LRP2: variants seen among roughly 807,000 people sequenced by gnomAD.
The protein encoded by LRP2 is LDL receptor related protein 2.
In LRP2, 172 loss-of-function variants were observed where a neutral mutation model predicts 531.0. The observed-to-expected ratio is 0.32, with a 90% confidence interval of 0.29 to 0.37. The LOEUF (loss-of-function observed/expected upper bound fraction) is 0.37. LRP2 is among the 10% of genes least tolerant of loss of function. LRP2 has a pLI of 1.00. For missense variants in LRP2, 5,167 were observed against 5,868.3 expected (o/e 0.88, Z 3.90); for synonymous variants, 1,992 against 2,027.6 (o/e 0.98, Z 0.47).
At chr2:169,287,794 T>C (rs1392197251) in intron 9 of LRP2, among the ~76,000 whole-genome samples, 1 of 150,588 alleles carries the variant, frequency 6.6e-6, no homozygotes, top group Admixed American at 6.6e-5. Flanking sequence ...TTTATCTATA[T>C]TCAATAATTT....
intron 62 of LRP2, among the ~76,000 whole-genome samples, chr2:169,164,463 CTTGCATT>C (rs1260376245): frequency 6.6e-6 from 1 of 152,188 alleles, no homozygotes; most frequent in Non-Finnish European, 1.5e-5. Flanking sequence ...AATGCATATT[CTTGCATT>C]TTCCAGTCTC....
In LRP2 at chr2:169,145,728, T is replaced by C. The variant is rs1346639426; in HGVS notation, c.12988+19A>G. 1.9e-6 allele frequency: 3 copies of C among 1,613,010 alleles called. No individual in the cohort carries two copies. The highest frequency in any genetic ancestry group is 1.7e-5 in the Admixed American group (1 of 60,018). On this transcript the variant is annotated intron_variant, in intron 70 of 78. Transcript: ENST00000649046. ...TTTCCAAGTAATGAGGAGCATCTTATACCAAAGTTGGTGATTACCTGACTT... is the reference window on the plus strand; with the variant it reads ...TTTCCAAGTAATGAGGAGCATCTTACACCAAAGTTGGTGATTACCTGACTT...
At chr2:169,300,007 G>A (rs775268362) in intron 4 of LRP2, among the ~76,000 whole-genome samples, 3 of 152,072 alleles carry the variant, frequency 2.0e-5, no homozygotes, top group African/African-American at 7.2e-5. Context: ...ATTCTCTTGT[G>A]CTCAACATGT....
At chr2:169,293,128 G>A (rs1158635620) in intron 6 of LRP2, among the ~76,000 whole-genome samples, 1 of 152,168 alleles carries the variant, frequency 6.6e-6, no homozygotes, top group African/African-American at 2.4e-5. Flanking sequence ...ACACCCTAAG[G>A]CATGGGTACC....
chr2:169,265,918 GA>G (rs963039969), intron 16 of LRP2, among the ~76,000 whole-genome samples: 7 of 149,068 alleles, frequency 4.7e-5, no homozygotes, highest in East Asian at 3.9e-4. Context: ...TCTCCAGAAA[GA>G]AAAAAAAAAT....
intron 46 of LRP2, among the ~76,000 whole-genome samples, chr2:169,194,780 G>C (rs1687949381): frequency 6.8e-6 from 1 of 146,454 alleles, no homozygotes; most frequent in Admixed American, 6.9e-5. Flanking sequence ...GAGTGCAGTG[G>C]TGCGATCTCG....
At chr2:169,164,419 G>C (rs1414766097) in intron 62 of LRP2, among the ~76,000 whole-genome samples, 4 of 152,210 alleles carry the variant, frequency 2.6e-5, no homozygotes, top group African/African-American at 9.7e-5. Context: ...AATCATAAAG[G>C]AGTATTTAGT....
At chr2:169,172,163 T>A (rs371991897) in intron 57 of LRP2, 29 bp from the exon 58 acceptor site, 2 of 1,613,758 alleles carry the variant, frequency 1.2e-6, no homozygotes, top group African/African-American at 2.7e-5. Flanking sequence ...AAAGACTTCA[T>A]AAACCATTGG....
chr2:169,220,455 C>G lies in LRP2; in HGVS notation c.5647G>C (p.Gly1883Arg). ...CACGTGCCATTTATGAATACTCACC[C>G]ACGAGCAGGATCAACAGTTATGCCA... ...PIGITVDPAR[G>R]KLYWSDQGTD... The change falls in exon 34 of 79, where the codon GGG becomes CGG. Residue 1883 changes from glycine (G) to arginine (R), a missense_variant and splice_region_variant. Gly to Arg is a moderately radical substitution (Grantham distance 125). This residue lies in a region of LRP2 where 2,811 missense variants were observed against 3,058.0 expected (regional missense o/e 0.92). Coordinates refer to ENST00000649046, the MANE Select transcript of LRP2 (RefSeq NM_004525.3). 7.4e-6 allele frequency: 12 copies of G among 1,610,740 alleles called. No homozygotes were observed. The highest frequency in any genetic ancestry group is 1.0e-5 in the Non-Finnish European group (12 of 1,177,080).
intron 35 of LRP2, among the ~76,000 whole-genome samples, 177 bp downstream of exon 35, chr2:169,216,076 T>C (rs1027826848): frequency 1.3e-5 from 2 of 152,062 alleles, no homozygotes; most frequent in Admixed American, 1.3e-4. Flanking sequence ...GAACTGGACT[T>C]CAGCTAGGGG....
Position 169,152,933 on chromosome 2 carries a change from G to A in LRP2, c.12327C>T (p.Gly4109=). The A allele has an allele frequency of 6.2e-7, 1 of 1,613,972 alleles. No homozygotes were observed. The highest frequency in any genetic ancestry group is 8.5e-7 in the Non-Finnish European group (1 of 1,179,928). The change falls in exon 67 of 79, where the codon GGC becomes GGT. Residue 4109 remains glycine, a synonymous_variant. Transcript: ENST00000649046. ...SVVYYTVRGE[G]SRFGAIKRAY... is the part of the protein sequence containing the mutation. Reference sequence around the variant, plus strand: ...CACGTTTGATAGCACCAAACCTAGAGCCCTCCCCTCGCACAGTGTAATACA... The same window carrying A: ...CACGTTTGATAGCACCAAACCTAGAACCCTCCCCTCGCACAGTGTAATACA...
At chr2:169,309,730 C>A (rs1559068917) in intron 3 of LRP2, among the ~76,000 whole-genome samples, 1 of 152,000 alleles carries the variant, frequency 6.6e-6, no homozygotes, top group Non-Finnish European at 1.5e-5. Context: ...TCCATATGAA[C>A]TTTAAAGTAG....
At chr2:169,174,794 G>C (rs1687126768) in intron 55 of LRP2, among the ~76,000 whole-genome samples, 1 of 145,316 alleles carries the variant, frequency 6.9e-6, no homozygotes, top group African/African-American at 2.5e-5. Flanking sequence ...ACAGGCATGA[G>C]CCACTGTGCT....
intron 53 of LRP2, 101 bp downstream of exon 53, chr2:169,177,702 G>T: frequency 1.0e-6 from 1 of 1,000,092 alleles, no homozygotes; most frequent in Non-Finnish European, 1.6e-6. Flanking sequence ...ACTAACAAGT[G>T]CAACAAACTT....
At chr2:169,230,989 T>C (rs1689377038) in intron 31 of LRP2, among the ~76,000 whole-genome samples, 1 of 152,144 alleles carries the variant, frequency 6.6e-6, no homozygotes, top group East Asian at 1.9e-4. Context: ...CTATTGGTTA[T>C]AAGAATAAAA....
intron 40 of LRP2, 139 bp from the exon 41 acceptor site, chr2:169,205,776 G>T: frequency 1.0e-6 from 1 of 967,704 alleles, no homozygotes; most frequent in Non-Finnish European, 1.6e-6. Flanking sequence ...TACACAACTT[G>T]TCCAAAGGAG....
chr2:169,362,008 C>A (rs569260599), intron 1 of LRP2, among the ~76,000 whole-genome samples: 1 of 152,374 alleles, frequency 6.6e-6, no homozygotes, highest in East Asian at 1.9e-4. Flanking sequence ...CTCGTTCTCC[C>A]GCAAAGTGCT....
At chr2:169,155,660 A>C (rs1208749337) in intron 65 of LRP2, among the ~76,000 whole-genome samples, 1 of 141,128 alleles carries the variant, frequency 7.1e-6, no homozygotes, top group African/African-American at 2.7e-5. Flanking sequence ...AGTATAATAC[A>C]TCTGACTTAC....
chr2:169,244,580 C>T (rs1689932605), intron 22 of LRP2, 113 bp downstream of exon 22: 2 of 1,393,824 alleles, frequency 1.4e-6, no homozygotes, highest in Admixed American at 1.7e-5. Flanking sequence ...AATAGAAGTA[C>T]TAAAGAGACA....
Sources: allele counts gnomAD v4.1 joint callset (sites outside exome capture counted in the v4.1 genomes callset), GRCh38; gene constraint gnomAD v4.1.1; regional missense constraint gnomAD v4.1.1; transcripts MANE v1.5; gene names NCBI Gene and HGNC (gene_info 2026-07-23, HGNC 2026-07-21).